SLFN12L: variants seen among roughly 807,000 people sequenced by gnomAD.
SLFN12L encodes schlafen family member 12 like.
In SLFN12L, 34 loss-of-function variants were observed where a neutral mutation model predicts 34.8. The observed-to-expected ratio is 0.98, with a 90% CI of 0.74 to 1.30. The LOEUF is 1.30. Ranked by LOEUF, SLFN12L falls within the 50% of genes most tolerant of loss-of-function variation. SLFN12L has a pLI of 0.00. For synonymous variants in SLFN12L, 259 were observed against 247.5 expected, an observed-to-expected ratio of 1.05 and a Z score of -0.44; for missense variants, 703 against 696.2, an observed-to-expected ratio of 1.01 and a Z score of -0.11.
At chr17:35,534,090 C>T (rs548537150) in intron 1 of SLFN12L, among the ~76,000 whole-genome samples, 2 of 151,660 alleles carry the variant, frequency 1.3e-5, no homozygotes, top group African/African-American at 2.4e-5. Flanking sequence ...GGCCTGGGCA[C>T]GGTGTCTCAT....
At chr17:35,489,129 C>G (rs980890820) in intron 2 of SLFN12L, among the ~76,000 whole-genome samples, 1 of 151,942 alleles carries the variant, frequency 6.6e-6, no homozygotes, top group African/African-American at 2.4e-5. Flanking sequence ...CTGATTCTCA[C>G]GCCAGCTCTA....
At chr17:35,517,783 A>G (rs561026490) in intron 2 of SLFN12L, among the ~76,000 whole-genome samples, 1 of 152,332 alleles carries the variant, frequency 6.6e-6, no homozygotes, top group Non-Finnish European at 1.5e-5. Flanking sequence ...AAACTGACAA[A>G]ACAAACAATG....
chr17:35,487,467 G>C (rs1261759893), intron 2 of SLFN12L, among the ~76,000 whole-genome samples: 1 of 148,974 alleles, frequency 6.7e-6, no homozygotes, highest in Non-Finnish European at 1.5e-5. Context: ...GGAGCCCACG[G>C]ACCACCCCCC....
chr17:35,510,626 T>C (rs1915607921), intron 2 of SLFN12L, among the ~76,000 whole-genome samples: 1 of 152,176 alleles, frequency 6.6e-6, no homozygotes, highest in Non-Finnish European at 1.5e-5. Flanking sequence ...CTAATGGATG[T>C]TGCATTTCTT....
In SLFN12L at chr17:35,498,284, G is replaced by A. The variant is rs955785779; in HGVS notation, c.87-18089C>T. 6 of 797,068 alleles carry A rather than the reference G, an allele frequency of 7.5e-6. No homozygotes were observed. The African/African-American group carries it at 1.0e-4, about 13-fold the overall frequency. 49.4% of individuals were successfully genotyped at this position (797,068 alleles called of 1,614,324 possible). On this transcript the variant is annotated intron_variant, in intron 2 of 4. Coordinates refer to ENST00000628453, the MANE Select transcript of SLFN12L (RefSeq NM_001363830.2). ...GCTACCTCAAACGCTGGCAGTACGT[G>A]GACTCAGACGGTCCCCTGAAGCAAG...
chr17:35,515,201 C>T, intron 2 of SLFN12L: 1 of 592,350 alleles, frequency 1.7e-6, no homozygotes. Context: ...TTCCCCAGAA[C>T]GCTGAGTGTG....
chr17:35,517,519 G>C (rs1408028461), intron 2 of SLFN12L, among the ~76,000 whole-genome samples: 1 of 152,146 alleles, frequency 6.6e-6, no homozygotes, highest in Non-Finnish European at 1.5e-5. Flanking sequence ...AGCTACCAGT[G>C]ACTTTCTTTG....
In SLFN12L at chr17:35,475,036, A is replaced by G; in HGVS notation, c.1726T>C (p.Leu576=). Residue 576 remains leucine, a synonymous_variant, in exon 5 of 5, where the codon TTG becomes CTG. Coordinates refer to ENST00000628453, the MANE Select transcript of SLFN12L (RefSeq NM_001363830.2). ...YWTTAQTMKD[L]EKALSNILPK... ...AAGATATTTGAAAGGGCCTTTTCCA[A>G]GTCTTTCATTGTTTGAGCTGTTGTC... 1 of 1,608,694 alleles carries G rather than the reference A, an allele frequency of 6.2e-7. No individual in the cohort carries two copies. The highest frequency in any genetic ancestry group is 1.1e-5 in the South Asian group (1 of 90,558).
At chr17:35,523,760 C>A (rs2072305172) in intron 1 of SLFN12L, among the ~76,000 whole-genome samples, 4 of 152,016 alleles carry the variant, frequency 2.6e-5, no homozygotes, top group South Asian at 4.1e-4. Flanking sequence ...AATGGTGAAA[C>A]CCTGTTTCTA....
intron 2 of SLFN12L, among the ~76,000 whole-genome samples, chr17:35,500,777 T>C (rs561916822): frequency 1.3e-5 from 2 of 152,024 alleles, no homozygotes; most frequent in South Asian, 2.1e-4. Flanking sequence ...ATTTTATCTA[T>C]AGATTCCAGA....
At chr17:35,537,448 G>A (rs1361277061) in intron 1 of SLFN12L, 125 bp downstream of exon 1, 1 of 152,186 alleles carries the variant, frequency 6.6e-6, no homozygotes, top group Non-Finnish European at 1.5e-5. Context: ...CCTAAAGTGG[G>A]TATATCTGGA....
rs537435430 is a variant in SLFN12L at position 35,468,553 on chromosome 17, G to A, written c.*6370C>T. ...TCTTCTCAGGCACAAACTGCACACC[G>A]AACATTTGGCCTTTTTTCCTTTGAT... On this transcript the variant is annotated 3_prime_UTR_variant, in exon 5 of 5. Transcript: ENST00000628453. Among the ~76,000 whole-genome samples the A allele has an allele frequency of 1.3e-5, 2 of 152,198 alleles. No homozygotes were observed. The highest frequency in any genetic ancestry group is 6.5e-5 in the Admixed American group (1 of 15,288).
intron 2 of SLFN12L, among the ~76,000 whole-genome samples, chr17:35,513,276 C>A (rs8068353): frequency 6.6e-6 from 1 of 152,060 alleles, no homozygotes; most frequent in African/African-American, 2.4e-5. Flanking sequence ...ATATATACTA[C>A]AGGTAAGTTC....
At position 35,479,265 on chromosome 17, in the gene SLFN12L, C is replaced by T. The variant is rs754147217; in HGVS notation, c.1017G>A (p.Arg339=). 9.4e-6 allele frequency: 15 copies of T among 1,592,146 alleles called. No individual in the cohort carries two copies. The highest frequency in any genetic ancestry group is 1.3e-5 in the African/African-American group (1 of 74,230). Residue 339 remains arginine, a synonymous_variant, in exon 3 of 5, where the codon AGG becomes AGA. Transcript: ENST00000628453. ...TGAGTGCATACACATATCCACAAAG[C>T]CTTCCTTTATCATATACTCCAAGGA... ...CKFLGVYDKG[R]LCGYVYALRV...
chr17:35,508,568 T>C (rs151009319), intron 2 of SLFN12L, among the ~76,000 whole-genome samples: 16 of 152,202 alleles, frequency 1.1e-4, no homozygotes. Context: ...CAGGATGGTC[T>C]CAATCTCCTG....
chr17:35,493,986 A>T (rs183029297), intron 2 of SLFN12L, among the ~76,000 whole-genome samples: 1 of 152,208 alleles, frequency 6.6e-6, no homozygotes, highest in East Asian at 1.9e-4. Context: ...TTTCGGGAAA[A>T]AGAAAATAAG....
intron 1 of SLFN12L, among the ~76,000 whole-genome samples, chr17:35,530,415 AAGG>A (rs2072384390): frequency 5.1e-5 from 1 of 19,492 alleles, no homozygotes; most frequent in African/African-American, 1.7e-4. Flanking sequence ...GGAAGGAAGG[AAGG>A]AAGGAAGGAA....
At chr17:35,536,403 A>G (rs2072461731) in intron 1 of SLFN12L, among the ~76,000 whole-genome samples, 1 of 152,202 alleles carries the variant, frequency 6.6e-6, no homozygotes, top group African/African-American at 2.4e-5. Flanking sequence ...AAACAAAAAG[A>G]CCCAATGCAG....
chr17:35,491,504 G>A lies in SLFN12L; in HGVS notation c.87-11309C>T, dbSNP rs556606086. Among the ~76,000 whole-genome samples, 36 of 152,352 alleles carry A rather than the reference G, an allele frequency of 2.4e-4. 1 individual carries two copies. In the South Asian group the frequency reaches 7.0e-3, roughly 30 times the overall value. ...AGATCTCCTGGCTAGGTCAGCAAGT[G>A]AGAAAATGTACAATCAGTTGTCTCT... On this transcript the variant is annotated intron_variant, in intron 2 of 4. Transcript: ENST00000628453.
Sources: allele counts gnomAD v4.1 joint callset (sites outside exome capture counted in the v4.1 genomes callset), GRCh38; gene constraint gnomAD v4.1.1; transcripts MANE v1.5; gene names NCBI Gene and HGNC (gene_info 2026-07-23, HGNC 2026-07-21).